Variants in CYP2B6 observed in about 807,000 individuals in gnomAD.
The protein encoded by CYP2B6 is cytochrome P450 family 2 subfamily B member 6.
In CYP2B6, 35 loss-of-function variants were observed where a neutral mutation model predicts 43.4. The observed-to-expected ratio is 0.81, with a 90% CI of 0.62 to 1.07. The LOEUF (loss-of-function observed/expected upper bound fraction) is 1.07, where lower values mean the gene tolerates loss of function less well. CYP2B6 is among the 50% of genes least tolerant of loss of function. CYP2B6 has a pLI of 0.00. For synonymous variants in CYP2B6, 239 were observed against 239.2 expected, an observed-to-expected ratio of 1.00 and a Z score of 0.01; for missense variants, 624 against 632.8, an observed-to-expected ratio of 0.99 and a Z score of 0.15.
chr19:41,012,813 T>C lies in CYP2B6; in HGVS notation c.1292T>C (p.Leu431Ser), dbSNP rs763021653. ...ACTGAAGCTTTTATCCCCTTCTCCT[T>C]AGGTAAGCTGGACCCACAATTTCTT... ...KKTEAFIPFS[L>S]GKRICLGEGI... Residue 431 changes from leucine to serine, a missense_variant and splice_region_variant, in exon 8 of 9, where the codon TTA (leucine) becomes TCA (serine). Coordinates refer to ENST00000324071, the MANE Select transcript of CYP2B6 (RefSeq NM_000767.5). 2.4e-5 allele frequency: 39 copies of C among 1,614,114 alleles called. 1 individual carries two copies. The Admixed American group carries it at 6.3e-4, about 26-fold the overall frequency.
At chr19:41,003,628 A>T (rs145653842) in intron 1 of CYP2B6, among the ~76,000 whole-genome samples, 201 of 152,260 alleles carry the variant, frequency 1.3e-3, no homozygotes, top group African/African-American at 4.7e-3. Context: ...TGGCTGGGCC[A>T]CCCATTAACC....
intron 3 of CYP2B6, 71 bp from the exon 4 acceptor site, chr19:41,006,834 C>T: frequency 3.5e-6 from 5 of 1,421,704 alleles, no homozygotes; most frequent in Non-Finnish European, 4.9e-6. Context: ...GACAATCACA[C>T]AGAGATAGGT....
At chr19:40,997,275 G>A (rs1332125646) in intron 1 of CYP2B6, among the ~76,000 whole-genome samples, 1 of 151,730 alleles carries the variant, frequency 6.6e-6, no homozygotes, top group Non-Finnish European at 1.5e-5. Flanking sequence ...ATTTACCTGG[G>A]TTATCACTGC....
At chr19:41,012,248 C>A in intron 6 of CYP2B6, 50 bp from the exon 7 acceptor site, 6 of 1,582,634 alleles carry the variant, frequency 3.8e-6, no homozygotes, top group Non-Finnish European at 5.2e-6. Context: ...CCATGCCTGG[C>A]CTGAAATGCC....
chr19:40,998,021 G>A (rs1345205867), intron 1 of CYP2B6, among the ~76,000 whole-genome samples: 1 of 152,024 alleles, frequency 6.6e-6, no homozygotes, highest in East Asian at 1.9e-4. Context: ...AGGATGACTT[G>A]AGCCTTGTAG....
chr19:41,013,425 C>G (rs1481994221), intron 8 of CYP2B6, among the ~76,000 whole-genome samples: 191 of 152,264 alleles, frequency 1.3e-3, no homozygotes, highest in African/African-American at 4.5e-3. Context: ...ACCAGAGGAA[C>G]TGGCTTCCAA....
In CYP2B6 at chr19:40,992,807, A is replaced by G. The variant is rs28616828; in HGVS notation, c.171+1331A>G. Among the ~76,000 whole-genome samples, 1,242 of 152,234 alleles carry G rather than the reference A, an allele frequency of 8.2e-3. 18 individuals carry two copies. Among genetic ancestry groups the G allele is most frequent in the African/African-American group, 0.029 (1,211 of 41,490 alleles). ...AGTGCTAGGATTACATGTGTGAGCCACCGCACCCGGCCAAGACTCTTGAGA... is the reference window on the plus strand; with the variant it reads ...AGTGCTAGGATTACATGTGTGAGCCGCCGCACCCGGCCAAGACTCTTGAGA... On this transcript the variant is annotated intron_variant, in intron 1 of 8. Coordinates refer to ENST00000324071, the MANE Select transcript of CYP2B6 (RefSeq NM_000767.5).
At chr19:41,016,095 T>G (rs1233907491) in intron 8 of CYP2B6, among the ~76,000 whole-genome samples, 2 of 151,852 alleles carry the variant, frequency 1.3e-5, no homozygotes, top group African/African-American at 4.8e-5. Flanking sequence ...CTAGAAACTC[T>G]CTTATATAAA....
At chr19:41,015,104 G>A (rs538901413) in intron 8 of CYP2B6, among the ~76,000 whole-genome samples, 195 of 152,062 alleles carry the variant, frequency 1.3e-3, no homozygotes, top group African/African-American at 4.4e-3. Flanking sequence ...AAGAAGAAAA[G>A]CTGTGTCTGA....
chr19:40,994,948 T>C (rs1208991613), intron 1 of CYP2B6, among the ~76,000 whole-genome samples: 35 of 152,118 alleles, frequency 2.3e-4, no homozygotes, highest in Admixed American at 2.2e-3. Context: ...GTGATTCTCA[T>C]TGGGAACATG....
chr19:41,003,330 T>C (rs1014998101), intron 1 of CYP2B6, among the ~76,000 whole-genome samples: 15 of 152,036 alleles, frequency 9.9e-5, no homozygotes, highest in African/African-American at 3.6e-4. Context: ...GAGGGTGGTA[T>C]ACACAGTGCA....
chr19:41,006,241 C>T (rs1418705930), intron 3 of CYP2B6, among the ~76,000 whole-genome samples: 4 of 152,002 alleles, frequency 2.6e-5, no homozygotes, highest in Admixed American at 6.5e-5. Flanking sequence ...CAGCCTCAAA[C>T]TCCTGGGCCC....
intron 6 of CYP2B6, among the ~76,000 whole-genome samples, chr19:41,011,995 C>T (rs1969291827): frequency 1.3e-5 from 2 of 152,058 alleles, no homozygotes; most frequent in African/African-American, 2.4e-5. Context: ...GTCACCCAGT[C>T]TAGAGTGCAG....
In CYP2B6 at chr19:41,009,298, A is replaced by G. The variant is rs763388535; in HGVS notation, c.725A>G (p.Asn242Ser). 8.7e-6 allele frequency: 14 copies of G among 1,612,962 alleles called. No homozygotes were observed. The highest frequency in any genetic ancestry group is 2.7e-5 in the African/African-American group (2 of 74,730). ...RQVYKNLQEI[N>S]AYIGHSVEKH... Reference sequence around the variant, plus strand: ...GTTTACAAAAACCTGCAGGAAATCAATGCTTACATTGGCCACAGTGTGGAG... The same window carrying G: ...GTTTACAAAAACCTGCAGGAAATCAGTGCTTACATTGGCCACAGTGTGGAG... The change falls in exon 5 of 9, where the codon AAT becomes AGT. Residue 242 changes from asparagine to serine, a missense_variant. Transcript: ENST00000324071.
intron 4 of CYP2B6, among the ~76,000 whole-genome samples, chr19:41,008,125 T>A (rs1443587413): frequency 6.6e-6 from 1 of 151,954 alleles, no homozygotes; most frequent in Admixed American, 6.6e-5. Context: ...TACTAAAATG[T>A]CTCCTTATTT....
Position 41,006,077 on chromosome 19 carries a change from C to T in CYP2B6, c.485-828C>T, listed in dbSNP as rs1220069677. Among the ~76,000 whole-genome samples the T allele has an allele frequency of 3.3e-5, 5 of 151,964 alleles. No individual in the cohort carries two copies. The East Asian group carries it at 9.7e-4, about 29-fold the overall frequency. ...ATCACTTAACAAGTACAGAATAATT[C>T]CCAGAAGACTGGAGAGCCCTAGATG... is the stretch of plus-strand genomic sequence containing the variant. On this transcript the variant is annotated intron_variant, in intron 3 of 8. Coordinates refer to ENST00000324071, the MANE Select transcript of CYP2B6 (RefSeq NM_000767.5).
intron 1 of CYP2B6, among the ~76,000 whole-genome samples, chr19:40,995,492 C>A (rs1278997406): frequency 1.3e-5 from 2 of 152,156 alleles, no homozygotes; most frequent in Admixed American, 1.3e-4. Flanking sequence ...TTCCAAAGGG[C>A]CCAACCTCTA....
chr19:40,994,507 T>A (rs752780669), intron 1 of CYP2B6, among the ~76,000 whole-genome samples: 10 of 152,088 alleles, frequency 6.6e-5, no homozygotes, highest in Non-Finnish European at 1.5e-4. Context: ...TGTATTTACT[T>A]ATTTATTTGT....
chr19:41,012,872 C>A lies in CYP2B6; in HGVS notation c.1294+57C>A, dbSNP rs1201507124. On this transcript the variant is annotated intron_variant, in intron 8 of 8. Coordinates refer to ENST00000324071, the MANE Select transcript of CYP2B6 (RefSeq NM_000767.5). Reference sequence around the variant, plus strand: ...ACCAGAGGGCAGGTACTATCCCCAACTTGAGAAAAACAACGAGAGATACTG... The same window carrying A: ...ACCAGAGGGCAGGTACTATCCCCAAATTGAGAAAAACAACGAGAGATACTG... 13 of 1,591,118 alleles carry A rather than the reference C, an allele frequency of 8.2e-6. No homozygotes were observed. The Admixed American group carries it at 1.2e-4, about 14-fold the overall frequency.
Sources: gnomAD v4.1 joint callset for allele counts (sites outside exome capture counted in the v4.1 genomes callset) on GRCh38, gnomAD v4.1.1 for gene constraint, MANE v1.5 for transcripts, NCBI Gene and HGNC (gene_info 2026-07-23, HGNC 2026-07-21) for gene names.